AMPH: variants seen among roughly 807,000 people sequenced by gnomAD.
AMPH encodes amphiphysin (Stiff-Mann syndrome with breast cancer 128kD autoantigen).
Under a neutral mutation model 99.1 loss-of-function variants are expected in AMPH, and 49 were observed. The ratio of observed to expected loss-of-function variants is 0.49; its 90% CI spans 0.39 to 0.63. The LOEUF (loss-of-function observed/expected upper bound fraction) is 0.63. AMPH is among the 20% of genes least tolerant of loss of function. The pLI is 0.00. For synonymous variants in AMPH, 314 were observed against 317.3 expected (o/e 0.99, Z 0.11); for missense variants, 759 against 863.4 (o/e 0.88, Z 1.52).
At chr7:38,458,662 C>T (rs780274559) in intron 11 of AMPH, among the ~76,000 whole-genome samples, 2 of 152,158 alleles carry the variant, frequency 1.3e-5, no homozygotes, top group Admixed American at 1.3e-4. Flanking sequence ...TTCAACACTG[C>T]TTCATGATGA....
At chr7:38,477,521 G>C (rs1788131564) in intron 5 of AMPH, among the ~76,000 whole-genome samples, 1 of 152,156 alleles carries the variant, frequency 6.6e-6, no homozygotes, top group Admixed American at 6.5e-5. Context: ...CAGGGCCAAA[G>C]GCACAGATTG....
At chr7:38,555,827 C>T (rs1791343659) in intron 1 of AMPH, among the ~76,000 whole-genome samples, 1 of 152,080 alleles carries the variant, frequency 6.6e-6, no homozygotes, top group Non-Finnish European at 1.5e-5. Context: ...GTTCTATAAG[C>T]ATATATACTT....
chr7:38,455,040 G>A (rs1024384998), intron 11 of AMPH, among the ~76,000 whole-genome samples: 2 of 152,032 alleles, frequency 1.3e-5, no homozygotes, highest in African/African-American at 4.8e-5. Context: ...GGGCACTAGT[G>A]GTCATGTCAG....
intron 15 of AMPH, among the ~76,000 whole-genome samples, chr7:38,423,841 T>A (rs907622195): frequency 6.6e-6 from 1 of 152,110 alleles, no homozygotes; most frequent in African/African-American, 2.4e-5. Flanking sequence ...TCTTACCTAC[T>A]AAGAACACCA....
chr7:38,398,801 C>T (rs1293657800), intron 17 of AMPH, among the ~76,000 whole-genome samples: 1 of 152,020 alleles, frequency 6.6e-6, no homozygotes, highest in East Asian at 1.9e-4. Context: ...TCTCACGTAC[C>T]TCATAAATAT....
intron 17 of AMPH, among the ~76,000 whole-genome samples, chr7:38,395,724 CTTAAG>C (rs1784649213): frequency 6.6e-6 from 1 of 152,178 alleles, no homozygotes; most frequent in Non-Finnish European, 1.5e-5. Context: ...AGTTCAACAT[CTTAAG>C]TTAGGAAGGC....
rs1178556773 is a variant in AMPH at position 38,391,899 on chromosome 7, C to A, written c.1727G>T (p.Gly576Val). 1.9e-6 allele frequency: 3 copies of A among 1,612,534 alleles called. No homozygotes were observed. Among genetic ancestry groups the A allele is most frequent in the Non-Finnish European group, 2.5e-6 (3 of 1,179,706 alleles). The part of the protein sequence containing the change: ...KETTEDAAPP[G>V]PTSETPELAT... ...CAGCTCCGGTGTCTCGCTGGTGGGG[C>A]CCGGAGGAGCCGCGTCCTCGGTGGT... Residue 576 changes from glycine to valine, a missense_variant, in exon 19 of 21, where the codon GGC becomes GTC. Physicochemically the swap from Gly to Val is moderately radical, Grantham distance 109. Transcript: ENST00000356264.
rs1185250097 is a variant in AMPH, at chr7:38,534,930, C to T, written c.150+1G>A. ...TCCAGAAACTAAACAAATGGACTCA[C>T]TTCTTGCCGTTTGAAGTTCTGGACA... On this transcript the variant is annotated splice_donor_variant, in intron 2 of 20. Transcript: ENST00000356264. LOFTEE classifies it high-confidence loss of function. 2 of 1,613,268 alleles carry T rather than the reference C, an allele frequency of 1.2e-6. No individual in the cohort carries two copies.
intron 4 of AMPH, among the ~76,000 whole-genome samples, chr7:38,493,097 A>AT (rs1170957034): frequency 6.6e-6 from 1 of 152,212 alleles, no homozygotes; most frequent in East Asian, 1.9e-4. Context: ...CATCTCAGTT[A>AT]TAAGAAGATT....
intron 1 of AMPH, among the ~76,000 whole-genome samples, chr7:38,588,245 G>A (rs777766678): frequency 1.3e-5 from 2 of 152,004 alleles, no homozygotes; most frequent in East Asian, 3.9e-4. Flanking sequence ...GAGCTACCAC[G>A]CCTGGCCTTA....
chr7:38,414,308 A>G (rs1006811749), intron 17 of AMPH, among the ~76,000 whole-genome samples: 1 of 152,244 alleles, frequency 6.6e-6, no homozygotes, highest in South Asian at 2.1e-4. Context: ...ATAATGTTTC[A>G]TAATCCAGGA....
intron 1 of AMPH, among the ~76,000 whole-genome samples, chr7:38,602,639 A>T (rs911555948): frequency 6.6e-6 from 1 of 152,202 alleles, no homozygotes; most frequent in East Asian, 1.9e-4. Flanking sequence ...CCCCATCTCA[A>T]GATCCTGAAC....
chr7:38,419,070 G>T (rs956422862), intron 16 of AMPH, among the ~76,000 whole-genome samples: 2 of 151,696 alleles, frequency 1.3e-5, no homozygotes, highest in African/African-American at 2.4e-5. Context: ...TCTATCACCA[G>T]AACACTTAAA....
At chr7:38,588,712 A>G (rs1792752424) in intron 1 of AMPH, among the ~76,000 whole-genome samples, 1 of 152,204 alleles carries the variant, frequency 6.6e-6, no homozygotes. Flanking sequence ...ATTAGAAAAA[A>G]AAAGATAATC....
chr7:38,429,419 T>C (rs781008802), intron 14 of AMPH: 188 of 1,293,308 alleles, frequency 1.5e-4, no homozygotes, highest in Non-Finnish European at 1.8e-4. Context: ...CAAACCCACC[T>C]GAGGTAACTT....
At chr7:38,434,475 C>G (rs1392999502) in intron 12 of AMPH, among the ~76,000 whole-genome samples, 1 of 152,164 alleles carries the variant, frequency 6.6e-6, no homozygotes, top group Non-Finnish European at 1.5e-5. Flanking sequence ...CATGGTGGCT[C>G]ATGCCTGTAA....
At chr7:38,624,546 T>TTA (rs1340640779) in intron 1 of AMPH, among the ~76,000 whole-genome samples, 1 of 130,290 alleles carries the variant, frequency 7.7e-6, no homozygotes, top group African/African-American at 2.8e-5. Flanking sequence ...ACAGTCATGG[T>TTA]AAAAAAAAAA....
intron 1 of AMPH, among the ~76,000 whole-genome samples, chr7:38,566,505 A>G (rs1791748721): frequency 6.6e-6 from 1 of 152,200 alleles, no homozygotes; most frequent in Admixed American, 6.5e-5. Context: ...TTCATGACTA[A>G]AACACAAAAA....
In AMPH at chr7:38,448,786, T is replaced by G. The variant is rs544273604; in HGVS notation, c.1018-12398A>C. ...ATTGTTCTCTCACATTTGCTTTATG[T>G]GCATACCTATATTTACATAATCCTG... On this transcript the variant is annotated intron_variant, in intron 11 of 20. Transcript: ENST00000356264. Among the ~76,000 whole-genome samples, 6 of 152,372 alleles carry G rather than the reference T, an allele frequency of 3.9e-5. No homozygotes were observed. The East Asian group carries it at 1.2e-3, about 29-fold the overall frequency.
Sources: gnomAD v4.1 joint callset for allele counts (sites outside exome capture counted in the v4.1 genomes callset) on GRCh38, gnomAD v4.1.1 for gene constraint, MANE v1.5 for transcripts, NCBI Gene and HGNC (gene_info 2026-07-23, HGNC 2026-07-21) for gene names.